Variants in ECM2 observed in about 807,000 individuals in gnomAD.
ECM2 encodes the protein extracellular matrix protein 2.
A neutral mutation model predicts 67.5 loss-of-function variants in ECM2; 57 were observed. The observed-to-expected ratio is 0.84, with a 90% CI of 0.68 to 1.05. ECM2 has a LOEUF of 1.05. Ranked by LOEUF, ECM2 falls within the 50% of genes least tolerant of loss-of-function variation. ECM2 has a pLI of 0.00. For synonymous variants in ECM2, 258 were observed against 294.5 expected, an observed-to-expected ratio of 0.88 and a Z score of 1.27; for missense variants, 741 against 822.8, an observed-to-expected ratio of 0.90 and a Z score of 1.22.
intron 6 of ECM2, among the ~76,000 whole-genome samples, 184 bp from the exon 7 acceptor site, chr9:92,505,874 C>A (rs979018946): frequency 3.9e-5 from 6 of 152,022 alleles, no homozygotes; most frequent in Admixed American, 3.9e-4. Flanking sequence ...ATGCTCAATT[C>A]AACCAGAACT....
In ECM2 at chr9:92,519,167, C is replaced by G. The variant is rs186804002; in HGVS notation, c.293-1292G>C. 4.2e-3 allele frequency among the ~76,000 whole-genome samples: 632 copies of G among 152,280 alleles called. 1 individual carries two copies. The highest frequency in any genetic ancestry group is 8.5e-3 in the Admixed American group (130 of 15,294). ...TCAGCCCAATTCAGGCCCTACCCAT[C>G]TCTCATTCGAATACTTGCAATAGGC... On this transcript the variant is annotated intron_variant, in intron 2 of 9. Coordinates refer to ENST00000344604, the MANE Select transcript of ECM2 (RefSeq NM_001393.4).
At chr9:92,558,439 C>T in the ECM2 span, among the ~76,000 whole-genome samples, 1 of 152,182 alleles carries the variant, frequency 6.6e-6, no homozygotes, top group Admixed American at 6.5e-5. Flanking sequence ...AGTGAGTCTG[C>T]CCGGCTCTGG....
chr9:92,533,980 G>A (rs1011821134), intron 1 of ECM2, among the ~76,000 whole-genome samples: 2 of 151,902 alleles, frequency 1.3e-5, no homozygotes, highest in Non-Finnish European at 2.9e-5. Flanking sequence ...GTAAAAGAAT[G>A]GAATGTACCT....
At chr9:92,513,777 G>T (rs1418346787) in intron 4 of ECM2, among the ~76,000 whole-genome samples, 1 of 152,224 alleles carries the variant, frequency 6.6e-6, no homozygotes, top group Non-Finnish European at 1.5e-5. Flanking sequence ...CCAGTGACTG[G>T]TGGAGGGGGA....
chr9:92,494,497 C>T (rs1226320839), downstream of ECM2, among the ~76,000 whole-genome samples: 1 of 152,180 alleles, frequency 6.6e-6, no homozygotes, highest in Non-Finnish European at 1.5e-5. Context: ...TTCTTCCTAA[C>T]AACCTGCTAT....
At chr9:92,537,156 ATGAGCCACCGCACCTGGCC>A (rs1849201125), upstream of ECM2, among the ~76,000 whole-genome samples, 1 of 151,552 alleles carries the variant, frequency 6.6e-6, no homozygotes, top group Non-Finnish European at 1.5e-5. Flanking sequence ...GATTACAGGC[ATGAGCCACCGCACCTGGCC>A]TGAAATTCTT....
At position 92,522,334 on chromosome 9, in the gene ECM2, C is replaced by T. The variant is rs191621927; in HGVS notation, c.292+241G>A. On this transcript the variant is annotated intron_variant, in intron 2 of 9. Transcript: ENST00000344604. ...AACTCCTGACCTCGTGATCTGCCCA[C>T]CTCTGCCTCCCAAAGTGCTGGGATT... 2.4e-3 allele frequency among the ~76,000 whole-genome samples: 366 copies of T among 152,288 alleles called. 1 individual carries two copies. Among genetic ancestry groups the T allele is most frequent in the African/African-American group, 8.4e-3 (350 of 41,564 alleles).
chr9:92,546,945 C>T, the ECM2 span, among the ~76,000 whole-genome samples: 1 of 152,126 alleles, frequency 6.6e-6, no homozygotes, highest in Admixed American at 6.5e-5. Context: ...TTTTTAAGAC[C>T]AGCATAACTA....
chr9:92,514,847 C>T lies in ECM2; in HGVS notation c.838G>A (p.Glu280Lys). Residue 280 changes from glutamate (E) to lysine (K), a missense_variant, in exon 4 of 10, where the codon GAG (glutamate) becomes AAG (lysine). Glu to Lys is a moderately conservative substitution (Grantham distance 56). Transcript: ENST00000344604. ...TCCTCCTCATCCTCCTCACCCTCCT[C>T]ACCCTCCTCCTCCTCATCCTCCTCC... ...EEEEDEEEEGEEGEEDEEDEE... is the reference protein window; with the variant it reads ...EEEEDEEEEGKEGEEDEEDEE... The T allele has an allele frequency of 1.9e-6, 3 of 1,612,494 alleles. No individual in the cohort carries two copies. The highest frequency in any genetic ancestry group is 2.5e-6 in the Non-Finnish European group (3 of 1,179,226).
Position 92,496,017 on chromosome 9 carries a change from T to C in ECM2, c.*298A>G, listed in dbSNP as rs1304986892. ...ATTCAAGTTGATTATAAAGGCTGTG[T>C]TTATTTTGTTCCAGACTCTTCTGGT... On this transcript the variant is annotated 3_prime_UTR_variant, in exon 10 of 10. Coordinates refer to ENST00000344604, the MANE Select transcript of ECM2 (RefSeq NM_001393.4). 1 of 1,007,506 alleles carries C rather than the reference T, an allele frequency of 9.9e-7. No homozygotes were observed. Among genetic ancestry groups the C allele is most frequent in the Non-Finnish European group, 1.2e-6 (1 of 845,198 alleles). 62.4% of individuals were successfully genotyped at this position (1,007,506 alleles called of 1,614,324 possible).
intron 1 of ECM2, among the ~76,000 whole-genome samples, chr9:92,531,288 A>T (rs1848733295): frequency 6.6e-6 from 1 of 151,908 alleles, no homozygotes; most frequent in South Asian, 2.1e-4. Flanking sequence ...CTTTGTAGAG[A>T]TTACCACATA....
downstream of ECM2, chr9:92,495,269 T>C: frequency 2.6e-6 from 2 of 768,272 alleles, no homozygotes; most frequent in Non-Finnish European, 3.2e-6. Flanking sequence ...ACATAGTTTC[T>C]ATATGTGTCT....
the ECM2 span, among the ~76,000 whole-genome samples, chr9:92,556,139 T>G: frequency 4.4e-3 from 673 of 152,360 alleles, 3 homozygotes; most frequent in Middle Eastern, 6.8e-3. Context: ...TGATTTCATT[T>G]TTGACCTAAT....
At chr9:92,555,831 A>G in the ECM2 span, among the ~76,000 whole-genome samples, 1 of 152,132 alleles carries the variant, frequency 6.6e-6, no homozygotes, top group Admixed American at 6.5e-5. Flanking sequence ...TTATCTTTTC[A>G]AAGAAGCAGA....
chr9:92,514,085 A>G (rs1317433011), intron 4 of ECM2, among the ~76,000 whole-genome samples: 1 of 151,746 alleles, frequency 6.6e-6, no homozygotes, highest in Non-Finnish European at 1.5e-5. Flanking sequence ...TTAGGATGAA[A>G]TTAAAATACA....
In ECM2 at chr9:92,522,750, C is replaced by T; in HGVS notation, c.117G>A (p.Arg39=). The T allele has an allele frequency of 1.9e-6, 3 of 1,614,162 alleles. No individual in the cohort carries two copies. In the East Asian group the frequency reaches 6.7e-5, roughly 36 times the overall value. Residue 39 remains arginine, a synonymous_variant, in exon 2 of 10, where the codon AGG becomes AGA. Transcript: ENST00000344604. ...TGTGCTTGTGTGAGGTTGAACTTTTCCTCAACCTTCTGTGGTAGATCTTCC... is the reference window on the plus strand; with the variant it reads ...TGTGCTTGTGTGAGGTTGAACTTTTTCTCAACCTTCTGTGGTAGATCTTCC... ...QRRKIYHRRL[R]KSSTSHKHRS...
At chr9:92,556,582 T>C in the ECM2 span, among the ~76,000 whole-genome samples, 2 of 152,246 alleles carry the variant, frequency 1.3e-5, no homozygotes, top group Non-Finnish European at 2.9e-5. Flanking sequence ...TACCATTATA[T>C]AATGTCCCTC....
At chr9:92,506,490 C>T (rs1235309646) in intron 6 of ECM2, among the ~76,000 whole-genome samples, 1 of 152,186 alleles carries the variant, frequency 6.6e-6, no homozygotes, top group Admixed American at 6.5e-5. Flanking sequence ...TACCCAAAGG[C>T]ATCTGAGTCA....
chr9:92,547,634 T>C, the ECM2 span, among the ~76,000 whole-genome samples: 10 of 152,180 alleles, frequency 6.6e-5, no homozygotes, highest in African/African-American at 1.9e-4. Context: ...GAAAGTACAT[T>C]AGTGGTTGCC....
Sources: gnomAD v4.1 joint callset for allele counts (sites outside exome capture counted in the v4.1 genomes callset) on GRCh38, gnomAD v4.1.1 for gene constraint, MANE v1.5 for transcripts, NCBI Gene and HGNC (gene_info 2026-07-23, HGNC 2026-07-21) for gene names.